The following RABGEF1 variants were observed in gnomAD, a reference collection of about 807,000 sequenced individuals.
RABGEF1 encodes the protein rab5 GDP/GTP exchange factor.
RABGEF1 carries 26 observed loss-of-function variants against 57.3 expected under a neutral mutation model. That is an observed-to-expected ratio of 0.45 (90% CI 0.33 to 0.63). The LOEUF is 0.63. Among genes scored for constraint, RABGEF1 ranks in the 20% least tolerant of loss-of-function variants. The pLI, the probability that RABGEF1 is intolerant of heterozygous loss-of-function variation, is 0.02. For synonymous variants in RABGEF1, 185 were observed against 210.7 expected (o/e 0.88, Z 1.06); for missense variants, 464 against 607.6 (o/e 0.76, Z 2.48).
At chr7:66,701,859 T>A (rs1397870656) in intron 1 of RABGEF1, among the ~76,000 whole-genome samples, 1 of 151,698 alleles carries the variant, frequency 6.6e-6, no homozygotes, top group Non-Finnish European at 1.5e-5. Context: ...AAGTCTGTGG[T>A]TTGTTTATTA....
chr7:66,681,808 G>C (rs1470221256), upstream of RABGEF1, among the ~76,000 whole-genome samples: 1 of 152,186 alleles, frequency 6.6e-6, no homozygotes, highest in Non-Finnish European at 1.5e-5. Context: ...TCCCATTCGC[G>C]CTTCCACCGT....
chr7:66,781,736 G>A (rs1256873427), intron 3 of RABGEF1, among the ~76,000 whole-genome samples: 2 of 152,222 alleles, frequency 1.3e-5, no homozygotes, highest in African/African-American at 2.4e-5. Flanking sequence ...TCTCCCCTCC[G>A]TAGTGTTTGC....
chr7:66,655,092 T>C, the RABGEF1 span, among the ~76,000 whole-genome samples: 1 of 152,144 alleles, frequency 6.6e-6, no homozygotes, highest in African/African-American at 2.4e-5. Context: ...CCACAGCTCT[T>C]GGCCGCGACA....
At chr7:66,793,359 G>C (rs1253844028) in intron 4 of RABGEF1, among the ~76,000 whole-genome samples, 2 of 152,146 alleles carry the variant, frequency 1.3e-5, no homozygotes, top group East Asian at 1.9e-4. Context: ...GCAGTTTTGT[G>C]CATGTAACAG....
At chr7:66,737,109 A>C (rs1229922286), upstream of RABGEF1, among the ~76,000 whole-genome samples, 1 of 151,788 alleles carries the variant, frequency 6.6e-6, no homozygotes, top group Admixed American at 6.6e-5. Context: ...AGAGAGAGAG[A>C]GAGAGAGAGA....
intron 4 of RABGEF1, among the ~76,000 whole-genome samples, chr7:66,794,577 T>G (rs953813309): frequency 6.6e-6 from 1 of 152,176 alleles, no homozygotes; most frequent in African/African-American, 2.4e-5. Flanking sequence ...ATAAAAATTA[T>G]CAAGCCCAAT....
chr7:66,781,954 C>G (rs574889591), intron 3 of RABGEF1, among the ~76,000 whole-genome samples: 1 of 152,172 alleles, frequency 6.6e-6, no homozygotes, highest in Non-Finnish European at 1.5e-5. Context: ...GTTTGTCTGT[C>G]ATCCAGTGTC....
the RABGEF1 span, among the ~76,000 whole-genome samples, chr7:66,663,296 T>A: frequency 6.6e-6 from 1 of 152,222 alleles, no homozygotes; most frequent in Non-Finnish European, 1.5e-5. Context: ...CTCTGAAGGC[T>A]GTGAGATCCC....
chr7:66,658,221 T>A, the RABGEF1 span, among the ~76,000 whole-genome samples: 4 of 151,910 alleles, frequency 2.6e-5, no homozygotes, highest in Admixed American at 2.0e-4. Flanking sequence ...CAAGACTGAA[T>A]CACAAAGAAA....
chr7:66,778,375 A>G (rs1402643443), intron 3 of RABGEF1, among the ~76,000 whole-genome samples: 4 of 152,232 alleles, frequency 2.6e-5, no homozygotes, highest in African/African-American at 9.6e-5. Context: ...AGTAAATGGA[A>G]TGTCTTGACT....
At chr7:66,677,555 G>A (rs1361708267), upstream of RABGEF1, among the ~76,000 whole-genome samples, 1 of 152,112 alleles carries the variant, frequency 6.6e-6, no homozygotes. Context: ...AAGGTCAGGA[G>A]ATCGAGACCA....
rs1178776485 is a variant in RABGEF1 at position 66,771,816 on chromosome 7, A to T, written c.-17-67A>T. ...TAATGGAATCACTCACTTTTTGTTC[A>T]TAATTGGTAAGATTTTATTTAGTAG... is the stretch of plus-strand genomic sequence containing the variant. On this transcript the variant is annotated intron_variant, in intron 1 of 8. Transcript: ENST00000284957. 4.1e-6 allele frequency: 5 copies of T among 1,209,660 alleles called. No homozygotes were observed. In the African/African-American group the frequency reaches 6.3e-5, roughly 15 times the overall value. The allele number at this position is 1,209,660 out of a possible 1,614,324, so 74.9% of individuals were successfully genotyped here.
chr7:66,745,762 C>CT (rs757958623), intron 1 of RABGEF1, among the ~76,000 whole-genome samples: 31 of 132,004 alleles, frequency 2.3e-4, no homozygotes, highest in Non-Finnish European at 1.6e-4. Context: ...GAGTGAGACT[C>CT]TATCTCAAAA....
intron 3 of RABGEF1, among the ~76,000 whole-genome samples, chr7:66,778,286 A>T (rs769194689): frequency 6.6e-6 from 1 of 152,244 alleles, no homozygotes; most frequent in Non-Finnish European, 1.5e-5. Flanking sequence ...GCTTGGTAGC[A>T]GACAAAATAC....
upstream of RABGEF1, among the ~76,000 whole-genome samples, chr7:66,680,547 C>CTT (rs77209483): frequency 0.04 from 5,994 of 151,182 alleles, 164 homozygotes; most frequent in East Asian, 0.086. Context: ...CCCAGCCATA[C>CTT]TTTTGTTTTA....
intron 1 of RABGEF1, among the ~76,000 whole-genome samples, chr7:66,707,629 A>G (rs1257970765): frequency 6.6e-6 from 1 of 152,208 alleles, no homozygotes; most frequent in Non-Finnish European, 1.5e-5. Flanking sequence ...TGGAAGTTGC[A>G]GTGAGCCGAG....
At chr7:66,794,113 G>A (rs1395349247) in intron 4 of RABGEF1, among the ~76,000 whole-genome samples, 3 of 151,338 alleles carry the variant, frequency 2.0e-5, no homozygotes, top group East Asian at 1.9e-4. Flanking sequence ...AGAGACAGAT[G>A]TATGGGCTGA....
chr7:66,778,384 C>G (rs1160159344), intron 3 of RABGEF1, among the ~76,000 whole-genome samples: 4 of 152,192 alleles, frequency 2.6e-5, no homozygotes, highest in Non-Finnish European at 5.9e-5. Flanking sequence ...AATGTCTTGA[C>G]TGTAAAGACT....
chr7:66,795,374 C>A, intron 4 of RABGEF1, 137 bp from the exon 5 acceptor site: 1 of 684,236 alleles, frequency 1.5e-6, no homozygotes, highest in Non-Finnish European at 2.6e-6. Context: ...TACTCTCCTG[C>A]AGGATTAATA....
Sources: gnomAD v4.1 joint callset for allele counts (sites outside exome capture counted in the v4.1 genomes callset) on GRCh38, gnomAD v4.1.1 for gene constraint, MANE v1.5 for transcripts, NCBI Gene and HGNC (gene_info 2026-07-23, HGNC 2026-07-21) for gene names.